The following GCC2 variants were observed in gnomAD, a reference collection of about 807,000 sequenced individuals.
GCC2 encodes the protein GRIP and coiled-coil domain containing 2.
A neutral mutation model predicts 210.6 loss-of-function variants in GCC2; 120 were observed. The ratio of observed to expected loss-of-function variants is 0.57; its 90% CI spans 0.49 to 0.66. GCC2 has a LOEUF of 0.66. GCC2 is among the 30% of genes least tolerant of loss of function. GCC2 has a pLI of 0.00. For missense variants in GCC2, 1,868 were observed against 1,871.9 expected, an observed-to-expected ratio of 1.00 and a Z score of 0.04; for synonymous variants, 703 against 652.7, an observed-to-expected ratio of 1.08 and a Z score of -1.17.
chr2:108,495,023 G>A, intron 19 of GCC2: 1 of 200,428 alleles, frequency 5.0e-6, no homozygotes, highest in Non-Finnish European at 1.0e-5. Flanking sequence ...TCTTGGCCAG[G>A]CTGGTCTTGA....
In GCC2 at chr2:108,451,071, A is replaced by G. The variant is rs758752266; in HGVS notation, c.107A>G (p.Lys36Arg). 13 of 1,613,016 alleles carry G rather than the reference A, an allele frequency of 8.1e-6. No homozygotes were observed. In the East Asian group the frequency reaches 1.3e-4, roughly 17 times the overall value. Reference protein sequence around the residue: ...PKEDLIKFAKKQMMLIQKAKS... With the variant: ...PKEDLIKFAKRQMMLIQKAKS... Reference sequence around the variant, plus strand: ...GAAGACCTCATCAAGTTTGCCAAGAAACAGATGATGCTAATACAGAAAGCT... The same window carrying G: ...GAAGACCTCATCAAGTTTGCCAAGAGACAGATGATGCTAATACAGAAAGCT... Residue 36 changes from lysine to arginine, a missense_variant, in exon 3 of 23, where the codon AAA (lysine) becomes AGA (arginine). Lys to Arg is a conservative substitution (Grantham distance 26, BLOSUM62 2). This residue lies in a region of GCC2 where 1,847 missense variants were observed against 1,765.2 expected (regional missense o/e 1.05). Coordinates refer to ENST00000309863, the MANE Select transcript of GCC2 (RefSeq NM_181453.4).
chr2:108,478,615 G>A (rs1474532223), intron 9 of GCC2, among the ~76,000 whole-genome samples: 1 of 152,176 alleles, frequency 6.6e-6, no homozygotes, highest in Non-Finnish European at 1.5e-5. Flanking sequence ...TGTATGCATG[G>A]CATTCATTTT....
chr2:108,459,013 G>C (rs977120316), intron 4 of GCC2, among the ~76,000 whole-genome samples: 1 of 151,986 alleles, frequency 6.6e-6, no homozygotes, highest in Non-Finnish European at 1.5e-5. Context: ...TCATTAGATT[G>C]TTTGAAATCT....
chr2:108,465,060 G>A (rs542328241), intron 4 of GCC2, among the ~76,000 whole-genome samples: 4 of 152,298 alleles, frequency 2.6e-5, no homozygotes, highest in East Asian at 1.9e-4. Flanking sequence ...CAAGCCATTC[G>A]TGAGGAATCC....
At position 108,487,681 on chromosome 2, in the gene GCC2, C is replaced by T; in HGVS notation, c.3931-18C>T. The T allele has an allele frequency of 1.3e-6, 2 of 1,587,318 alleles. No homozygotes were observed. The highest frequency in any genetic ancestry group is 1.7e-4 in the Middle Eastern group (1 of 5,966). On this transcript the variant is annotated intron_variant, in intron 16 of 22. Coordinates refer to ENST00000309863, the MANE Select transcript of GCC2 (RefSeq NM_181453.4). ...CCTGTTACAGTAGAAAAACGTTTCT[C>T]TCTTTTAAATGTTATAGGCAGAACA... is the stretch of plus-strand genomic sequence containing the variant.
intron 18 of GCC2, among the ~76,000 whole-genome samples, chr2:108,492,173 A>T (rs1682435255): frequency 6.6e-6 from 1 of 151,136 alleles, no homozygotes; most frequent in Non-Finnish European, 1.5e-5. Context: ...TCAGGGTAGT[A>T]GATAAAAGGG....
chr2:108,506,444 G>A (rs994454517), intron 22 of GCC2, among the ~76,000 whole-genome samples: 13 of 152,182 alleles, frequency 8.5e-5, no homozygotes, highest in Non-Finnish European at 1.6e-4. Flanking sequence ...ACAGGTTAGC[G>A]GTTGCCAAGG....
At position 108,449,234 on chromosome 2, in the gene GCC2, G is replaced by T. The variant is rs541919188; in HGVS notation, c.-41G>T. 1.3e-6 allele frequency: 2 copies of T among 1,545,314 alleles called. No individual in the cohort carries two copies. The highest frequency in any genetic ancestry group is 2.4e-5 in the South Asian group (2 of 83,756). Reference sequence around the variant, plus strand: ...GGCTGGCGCAAACAGAAGTGCAGCGGTGGCGGCGGCTGGTTGCGGGCCGGC... The same window carrying T: ...GGCTGGCGCAAACAGAAGTGCAGCGTTGGCGGCGGCTGGTTGCGGGCCGGC... On this transcript the variant is annotated 5_prime_UTR_variant, in exon 1 of 23. Transcript: ENST00000309863.
chr2:108,466,022 A>G (rs1558735773), intron 4 of GCC2, among the ~76,000 whole-genome samples: 1 of 152,060 alleles, frequency 6.6e-6, no homozygotes, highest in Non-Finnish European at 1.5e-5. Context: ...TTTAAGTTGC[A>G]TTTCCCTGAT....
chr2:108,486,471 A>T lies in GCC2; in HGVS notation c.3793-40A>T, dbSNP rs185074102. On this transcript the variant is annotated intron_variant, in intron 15 of 22. Coordinates refer to ENST00000309863, the MANE Select transcript of GCC2 (RefSeq NM_181453.4). ...AGGAAAACCTCTTTAACTAGTGAAG[A>T]TAGGATTTGCTAAAGCTAAATTTAA... The T allele has an allele frequency of 7.8e-5, 126 of 1,608,296 alleles. No homozygotes were observed. The East Asian group carries it at 2.4e-3, about 30-fold the overall frequency.
chr2:108,451,003 T>C lies in GCC2; in HGVS notation c.64-25T>C, dbSNP rs772457750. 1.3e-5 allele frequency: 20 copies of C among 1,511,298 alleles called. No individual in the cohort carries two copies. In the South Asian group the frequency reaches 1.9e-4, roughly 15 times the overall value. The allele number at this position is 1,511,298 out of a possible 1,614,324, so 93.6% of individuals were successfully genotyped here. ...TACTAGAAACATGAGTTATAACAAG[T>C]TGGTAACATGACCACATCTTTCAGC... On this transcript the variant is annotated intron_variant, in intron 2 of 22. Transcript: ENST00000309863.
chr2:108,479,672 G>A (rs1020780458), intron 9 of GCC2, among the ~76,000 whole-genome samples: 1 of 151,404 alleles, frequency 6.6e-6, no homozygotes, highest in Admixed American at 6.6e-5. Context: ...CGATCCAAAA[G>A]AGCATAAATG....
chr2:108,497,162 C>A (rs558418673), intron 21 of GCC2, 53 bp downstream of exon 21: 1 of 1,610,962 alleles, frequency 6.2e-7, no homozygotes, highest in African/African-American at 1.3e-5. Context: ...GTTTTCTTGA[C>A]CCTCCATACA....
chr2:108,507,905 T>TC lies in GCC2; in HGVS notation c.*276dup, dbSNP rs1264335575. 3.5e-6 allele frequency: 1 copy of TC among 284,450 alleles called. No homozygotes were observed. The highest frequency in any genetic ancestry group is 8.8e-5 in the East Asian group (1 of 11,314). 17.6% of individuals were successfully genotyped at this position (284,450 alleles called of 1,614,324 possible). A position where few individuals can be genotyped will look rare whatever the true frequency, so the allele number is the denominator to read the frequency against. ...ACCAGGAATGAATTCACTCCCCACT[T>TC]CTCTGGAACCTCAGGACCCGCCCAT... is the stretch of plus-strand genomic sequence containing the variant. On this transcript the variant is annotated 3_prime_UTR_variant, in exon 23 of 23. Coordinates refer to ENST00000309863, the MANE Select transcript of GCC2 (RefSeq NM_181453.4).
chr2:108,453,718 G>A (rs1019751444), intron 4 of GCC2, among the ~76,000 whole-genome samples: 5 of 150,908 alleles, frequency 3.3e-5, no homozygotes, highest in African/African-American at 4.9e-5. Flanking sequence ...CCAGGAGGCA[G>A]AAGTTGCAAT....
At position 108,483,621 on chromosome 2, in the gene GCC2, A is replaced by G. The variant is rs10164449; in HGVS notation, c.3450+455A>G. 9.3e-3 allele frequency among the ~76,000 whole-genome samples: 1,412 copies of G among 152,314 alleles called. 22 individuals carry two copies. Among genetic ancestry groups the G allele is most frequent in the Middle Eastern group, 0.031 (9 of 294 alleles). ...GCTTTATAAATTATTTGCTCAAAAA[A>G]TTGGAAATTTAACTTACTTCTCTAA... On this transcript the variant is annotated intron_variant, in intron 12 of 22. Coordinates refer to ENST00000309863, the MANE Select transcript of GCC2 (RefSeq NM_181453.4).
intron 4 of GCC2, among the ~76,000 whole-genome samples, chr2:108,453,170 T>A (rs1416247175): frequency 6.6e-6 from 1 of 152,206 alleles, no homozygotes; most frequent in Non-Finnish European, 1.5e-5. Context: ...TCTCACACAT[T>A]TCACTTATCT....
rs750013741 is a variant in GCC2, at chr2:108,507,682, G to C, written c.*52G>C. Reference sequence around the variant, plus strand: ...CCAAATAGAATCTATTTACAAAAATGGTTCACGTATATTACCACAATTCTT... The same window carrying C: ...CCAAATAGAATCTATTTACAAAAATCGTTCACGTATATTACCACAATTCTT... On this transcript the variant is annotated 3_prime_UTR_variant, in exon 23 of 23. Coordinates refer to ENST00000309863, the MANE Select transcript of GCC2 (RefSeq NM_181453.4). 3.1e-6 allele frequency: 4 copies of C among 1,283,362 alleles called. No individual in the cohort carries two copies. The highest frequency in any genetic ancestry group is 1.5e-5 in the African/African-American group (1 of 67,152). The allele number at this position is 1,283,362 out of a possible 1,614,324, so 79.5% of individuals were successfully genotyped here. A position where few individuals can be genotyped will look rare whatever the true frequency, so the allele number is the denominator to read the frequency against.
rs2699608 is a variant in GCC2 at position 108,499,616 on chromosome 2, C to G, written c.4846C>G (p.Leu1616Val). ...NQEREKSAAN[L>V]EYLKNVLLQF... The stretch of plus-strand genomic sequence containing the variant: ...AGAGCGAGAGAAGTCTGCAGCTAAC[C>G]TGGAATACTTGAAGAACGTCTTGCT... Residue 1616 changes from leucine (L) to valine (V), a missense_variant, in exon 22 of 23, where the codon CTG becomes GTG. Leu to Val is a conservative substitution (Grantham distance 32). Transcript: ENST00000309863. The G allele has an allele frequency of 6.2e-7, 1 of 1,612,102 alleles. No homozygotes were observed. The highest frequency in any genetic ancestry group is 2.2e-5 in the East Asian group (1 of 44,884).
Sources: allele counts gnomAD v4.1 joint callset (sites outside exome capture counted in the v4.1 genomes callset), GRCh38; gene constraint gnomAD v4.1.1; regional missense constraint gnomAD v4.1.1; transcripts MANE v1.5; gene names NCBI Gene and HGNC (gene_info 2026-07-23, HGNC 2026-07-21).